The following MAF variants were observed in gnomAD, a reference collection of about 807,000 sequenced individuals.
MAF encodes transcription factor Maf.
MAF carries 10 observed loss-of-function variants against 22.0 expected under a neutral mutation model. That is an observed-to-expected ratio of 0.45 (90% CI 0.28 to 0.77). MAF has a LOEUF of 0.77. Among genes scored for constraint, MAF ranks in the 30% least tolerant of loss-of-function variants. MAF has a pLI of 0.12. For missense variants in MAF, 544 were observed against 548.4 expected, an observed-to-expected ratio of 0.99 and a Z score of 0.08; for synonymous variants, 337 against 255.8, an observed-to-expected ratio of 1.32 and a Z score of -3.03.
At chr16:79,465,981 A>G in the MAF span, among the ~76,000 whole-genome samples, 7 of 152,218 alleles carry the variant, frequency 4.6e-5, no homozygotes, top group African/African-American at 7.2e-5. Context: ...ACTTGTATTC[A>G]TCTGTAATTC....
chr16:79,475,103 G>C, the MAF span, among the ~76,000 whole-genome samples: 2 of 152,122 alleles, frequency 1.3e-5, no homozygotes, highest in Non-Finnish European at 2.9e-5. Flanking sequence ...TCCTCTCCAG[G>C]GCTTGTGCAG....
chr16:79,368,466 A>T, the MAF span, among the ~76,000 whole-genome samples: 1 of 152,130 alleles, frequency 6.6e-6, no homozygotes, highest in Admixed American at 6.5e-5. Context: ...AGTGGTTTTT[A>T]GTATATGACT....
the MAF span, among the ~76,000 whole-genome samples, chr16:79,521,963 C>A: frequency 5.9e-5 from 9 of 152,104 alleles, no homozygotes; most frequent in Admixed American, 5.2e-4. Flanking sequence ...CCAAGGAGAT[C>A]GACTTCTCAT....
chr16:79,449,640 G>T, the MAF span, among the ~76,000 whole-genome samples: 1 of 152,194 alleles, frequency 6.6e-6, no homozygotes, highest in Non-Finnish European at 1.5e-5. Flanking sequence ...TCAGGAAGAT[G>T]TGGACTCTAG....
chr16:79,250,661 T>G, the MAF span, among the ~76,000 whole-genome samples: 1 of 152,234 alleles, frequency 6.6e-6, no homozygotes, highest in African/African-American at 2.4e-5. Flanking sequence ...CTGAGGCTCC[T>G]GAACACTTCC....
chr16:79,421,961 A>G, the MAF span, among the ~76,000 whole-genome samples: 1 of 152,116 alleles, frequency 6.6e-6, no homozygotes, highest in African/African-American at 2.4e-5. Context: ...TGTTTTTAGT[A>G]GAGATGGGGT....
chr16:79,451,096 C>T, the MAF span, among the ~76,000 whole-genome samples: 1 of 152,180 alleles, frequency 6.6e-6, no homozygotes, highest in African/African-American at 2.4e-5. Flanking sequence ...GGGCAAGCCA[C>T]ATCCCCAGAA....
At chr16:79,491,249 G>A in the MAF span, among the ~76,000 whole-genome samples, 915 of 152,284 alleles carry the variant, frequency 6.0e-3, 8 homozygotes, top group Non-Finnish European at 0.01. Flanking sequence ...TATTACAAAT[G>A]GGGCAAACAC....
the MAF span, among the ~76,000 whole-genome samples, chr16:79,381,654 C>T: frequency 6.6e-6 from 1 of 152,156 alleles, no homozygotes; most frequent in Non-Finnish European, 1.5e-5. Flanking sequence ...CCATGTTCCA[C>T]TTTGGTAGCT....
chr16:79,379,388 C>A, the MAF span, among the ~76,000 whole-genome samples: 1 of 152,080 alleles, frequency 6.6e-6, no homozygotes, highest in East Asian at 1.9e-4. Flanking sequence ...TTTGTTGTTG[C>A]ATGTATGCAT....
the MAF span, among the ~76,000 whole-genome samples, chr16:79,375,127 G>C: frequency 6.6e-6 from 1 of 152,162 alleles, no homozygotes; most frequent in East Asian, 1.9e-4. Context: ...GACTACACAA[G>C]GTAAAGGAAT....
At chr16:79,407,684 AT>A in the MAF span, among the ~76,000 whole-genome samples, 2 of 151,746 alleles carry the variant, frequency 1.3e-5, no homozygotes, top group East Asian at 1.9e-4. Context: ...CATGTCAGAG[AT>A]TTTTTTTCTC....
At chr16:79,522,033 G>A in the MAF span, among the ~76,000 whole-genome samples, 2 of 152,180 alleles carry the variant, frequency 1.3e-5, no homozygotes, top group South Asian at 2.1e-4. Context: ...GAAGAAAGAG[G>A]TGTCAGCTCA....
At chr16:79,525,774 C>A in the MAF span, among the ~76,000 whole-genome samples, 2 of 152,080 alleles carry the variant, frequency 1.3e-5, no homozygotes, top group Non-Finnish European at 2.9e-5. Flanking sequence ...TAACGTATTT[C>A]TCACAAAATC....
At chr16:79,324,925 G>A in the MAF span, among the ~76,000 whole-genome samples, 2 of 152,104 alleles carry the variant, frequency 1.3e-5, no homozygotes, top group African/African-American at 2.4e-5. Flanking sequence ...TTGCCTCTTT[G>A]AGCTTCTGGT....
chr16:79,340,848 T>C, the MAF span, among the ~76,000 whole-genome samples: 5 of 152,108 alleles, frequency 3.3e-5, no homozygotes, highest in African/African-American at 7.2e-5. Flanking sequence ...CATCTTCCAT[T>C]GGGAACTACT....
chr16:79,340,452 GGAATATAGCAGA>G, the MAF span, among the ~76,000 whole-genome samples: 1 of 150,810 alleles, frequency 6.6e-6, no homozygotes, highest in Non-Finnish European at 1.5e-5. Flanking sequence ...CCTGGCACTG[GGAATATAGCAGA>G]GAACAAAGTA....
chr16:79,560,590 T>G, the MAF span, among the ~76,000 whole-genome samples: 1 of 152,126 alleles, frequency 6.6e-6, no homozygotes, highest in Non-Finnish European at 1.5e-5. Context: ...CTTTTTTTTT[T>G]CTTTCTGAAT....
chr16:79,247,255 A>AAAGGAGAATAGTTT, the MAF span, among the ~76,000 whole-genome samples: 1 of 152,240 alleles, frequency 6.6e-6, no homozygotes, highest in Non-Finnish European at 1.5e-5. Context: ...CAAGTGAGTC[A>AAAGGAGAATAGTTT]AAGGAGAATA....
Sources: allele counts gnomAD v4.1 joint callset (sites outside exome capture counted in the v4.1 genomes callset), GRCh38; gene constraint gnomAD v4.1.1; transcripts MANE v1.5; gene names NCBI Gene and HGNC (gene_info 2026-07-23, HGNC 2026-07-21).